The following ZBTB7C variants were observed in gnomAD, a reference collection of about 807,000 sequenced individuals.
The protein encoded by ZBTB7C is zinc finger and BTB domain-containing protein 7C.
ZBTB7C carries 8 observed loss-of-function variants against 25.7 expected under a neutral mutation model. The ratio of observed to expected loss-of-function variants is 0.31; its 90% CI spans 0.18 to 0.56. The LOEUF (loss-of-function observed/expected upper bound fraction) is 0.56. Ranked by LOEUF, ZBTB7C falls within the 20% of genes least tolerant of loss-of-function variation. The pLI, the probability that ZBTB7C is intolerant of heterozygous loss-of-function variation, is 0.91. For missense variants in ZBTB7C, 824 were observed against 855.2 expected (o/e 0.96, Z 0.46); for synonymous variants, 394 against 369.0 (o/e 1.07, Z -0.78).
rs147740537 is a variant in ZBTB7C, at chr18:48,199,666, TCTC to T, written c.-78-13674_-78-13672del. 5.4e-5 allele frequency among the ~76,000 whole-genome samples: 8 copies of T among 147,914 alleles called. No individual in the cohort carries two copies. The East Asian group carries it at 6.2e-4, about 11-fold the overall frequency. On this transcript the variant is annotated intron_variant, in intron 2 of 4. Transcript: ENST00000590800. The stretch of plus-strand genomic sequence containing the variant: ...TTCTCCCCCTCCCGCTCCTCCTCAT[TCTC>T]CTCCTCCTCCTCCTCCCCTCTCTTT...
At chr18:48,041,860 AAATATAAATTC>A (rs2036258899) in intron 3 of ZBTB7C, among the ~76,000 whole-genome samples, 1 of 151,294 alleles carries the variant, frequency 6.6e-6, no homozygotes, top group Non-Finnish European at 1.5e-5. Context: ...AATGCAATAT[AAATATAAATTC>A]AAGTACATTG....
chr18:48,241,831 G>A (rs918963186), intron 2 of ZBTB7C, among the ~76,000 whole-genome samples: 6 of 151,856 alleles, frequency 4.0e-5, no homozygotes, highest in Non-Finnish European at 8.8e-5. Context: ...CCCAAACCCA[G>A]CAGAAGAAAA....
chr18:48,383,297 ACT>A lies in ZBTB7C; in HGVS notation c.-304+25927_-304+25928del, dbSNP rs561698171. On this transcript the variant is annotated intron_variant, in intron 1 of 4. Transcript: ENST00000590800. Reference sequence around the variant, plus strand: ...ATTTATTTAAGGCAGGGTCTCACTCACTCTGTCACCCAGGATGGAGTGCAGTG... The same window carrying A: ...ATTTATTTAAGGCAGGGTCTCACTCACTGTCACCCAGGATGGAGTGCAGTG... 3.4e-4 allele frequency among the ~76,000 whole-genome samples: 52 copies of A among 152,056 alleles called. 1 individual carries two copies. The South Asian group carries it at 5.2e-3, about 15-fold the overall frequency.
At chr18:48,091,567 A>G (rs1385214270) in intron 3 of ZBTB7C, among the ~76,000 whole-genome samples, 1 of 152,154 alleles carries the variant, frequency 6.6e-6, no homozygotes, top group Non-Finnish European at 1.5e-5. Flanking sequence ...GACTGTAAGC[A>G]TTTCCAGGGT....
rs978766257 is a variant in ZBTB7C, at chr18:48,304,262, A to G, written c.-79+33912T>C. On this transcript the variant is annotated intron_variant, in intron 2 of 4. Coordinates refer to ENST00000590800, the MANE Select transcript of ZBTB7C (RefSeq NM_001318841.2). ...CCAATCACAAAACAGGGATAGCCTC[A>G]AGTGCTTTTTCCAGTTGTATTACTT... Among the ~76,000 whole-genome samples, 5 of 152,206 alleles carry G rather than the reference A, an allele frequency of 3.3e-5. No homozygotes were observed. The South Asian group carries it at 1.0e-3, about 32-fold the overall frequency.
In ZBTB7C at chr18:48,040,640, CTCCTCT is replaced by C. The variant is rs1466542526; in HGVS notation, c.462_467del (p.Glu161_Glu162del). The stretch of plus-strand genomic sequence containing the variant: ...CGTCATCCTCCTCCTCTTCCTCCTC[CTCCTCT>C]TCGTCCTCCTCATCATCATCATCTT... On this transcript the variant is annotated inframe_deletion, in exon 4 of 5. Transcript: ENST00000590800. 5.6e-6 allele frequency: 9 copies of C among 1,613,350 alleles called. No homozygotes were observed. Among genetic ancestry groups the C allele is most frequent in the African/African-American group, 1.3e-5 (1 of 74,870 alleles).
At chr18:48,118,946 C>A (rs1598912619) in intron 3 of ZBTB7C, among the ~76,000 whole-genome samples, 1 of 152,090 alleles carries the variant, frequency 6.6e-6, no homozygotes, top group Non-Finnish European at 1.5e-5. Flanking sequence ...ATTACTGATG[C>A]TTTAATCTTC....
intron 3 of ZBTB7C, among the ~76,000 whole-genome samples, chr18:48,152,556 A>G (rs55707477): frequency 0.35 from 53,183 of 152,116 alleles, 10,949 homozygotes; most frequent in East Asian, 0.54. Context: ...ATCATTATTC[A>G]TGCCACCTAC....
At chr18:48,252,594 T>A (rs965408436) in intron 2 of ZBTB7C, 1 of 152,354 alleles carries the variant, frequency 6.6e-6, no homozygotes, top group African/African-American at 2.4e-5. Context: ...GGTCCCTGCT[T>A]TGCATTTGCA....
chr18:48,180,099 T>TTTCC (rs2041864867), intron 3 of ZBTB7C, among the ~76,000 whole-genome samples: 1 of 81,658 alleles, frequency 1.2e-5, no homozygotes, highest in Non-Finnish European at 2.5e-5. Context: ...CCTTCCTTCC[T>TTTCC]TTCCTTCCTT....
At chr18:48,266,723 A>G (rs932880437) in intron 2 of ZBTB7C, among the ~76,000 whole-genome samples, 1 of 152,200 alleles carries the variant, frequency 6.6e-6, no homozygotes, top group African/African-American at 2.4e-5. Flanking sequence ...ACTCCTGCCT[A>G]AGCACTGATA....
Position 48,207,532 on chromosome 18 carries a change from T to C in ZBTB7C, c.-78-21537A>G, listed in dbSNP as rs139752712. On this transcript the variant is annotated intron_variant, in intron 2 of 4. Transcript: ENST00000590800. ...CAACATGAATAAATCTCACAGATTA[T>C]CTATCAATCATCTATCATCTATCTA... is the stretch of plus-strand genomic sequence containing the variant. Among the ~76,000 whole-genome samples the C allele has an allele frequency of 5.3e-3, 809 of 152,308 alleles. 5 individuals are homozygous for C. The highest frequency in any genetic ancestry group is 9.5e-3 in the South Asian group (46 of 4,830).
At chr18:48,053,003 C>T (rs530100272) in intron 3 of ZBTB7C, among the ~76,000 whole-genome samples, 9 of 152,286 alleles carry the variant, frequency 5.9e-5, no homozygotes, top group East Asian at 1.9e-4. Flanking sequence ...CTCTGGGACC[C>T]TGCCAAGTTA....
At chr18:48,365,075 GGATTTACAAGGAGCTA>G (rs2047192141) in intron 1 of ZBTB7C, among the ~76,000 whole-genome samples, 2 of 152,290 alleles carry the variant, frequency 1.3e-5, no homozygotes, top group Admixed American at 1.3e-4. Flanking sequence ...CATGCTACAT[GGATTTACAAGGAGCTA>G]CAGTTATTCA....
chr18:48,058,062 A>C (rs771130106), intron 3 of ZBTB7C, among the ~76,000 whole-genome samples: 4 of 152,238 alleles, frequency 2.6e-5, no homozygotes, highest in Non-Finnish European at 5.9e-5. Context: ...CCAAGGACAC[A>C]GGTGCTAGGA....
At position 48,356,953 on chromosome 18, in the gene ZBTB7C, G is replaced by A. The variant is rs530118544; in HGVS notation, c.-303-18555C>T. ...ACTAAACTTCTAAACACTGCCCTAT[G>A]TGGCCCTGCTTTCTCCCCCACTGAA... On this transcript the variant is annotated intron_variant, in intron 1 of 4. Coordinates refer to ENST00000590800, the MANE Select transcript of ZBTB7C (RefSeq NM_001318841.2). 2.3e-4 allele frequency among the ~76,000 whole-genome samples: 35 copies of A among 152,244 alleles called. No homozygotes were observed. The South Asian group carries it at 7.3e-3, about 32-fold the overall frequency.
intron 3 of ZBTB7C, among the ~76,000 whole-genome samples, chr18:48,116,388 T>C (rs188115276): frequency 6.6e-6 from 1 of 152,334 alleles, no homozygotes; most frequent in East Asian, 1.9e-4. Flanking sequence ...AATGTATCAA[T>C]ATTAATTAGC....
Position 48,190,134 on chromosome 18 carries a change from G to A in ZBTB7C, c.-78-4139C>T, listed in dbSNP as rs1179388025. Among the ~76,000 whole-genome samples, 8 of 152,170 alleles carry A rather than the reference G, an allele frequency of 5.3e-5. No homozygotes were observed. In the East Asian group the frequency reaches 1.5e-3, roughly 29 times the overall value. ...TCTGCCTTGGGTGCGGGCAGATGCT[G>A]GGAAGGTGGGAGTGCAGTGTCTGTC... On this transcript the variant is annotated intron_variant, in intron 2 of 4. Coordinates refer to ENST00000590800, the MANE Select transcript of ZBTB7C (RefSeq NM_001318841.2).
chr18:48,317,059 G>A (rs2045964934), intron 2 of ZBTB7C, among the ~76,000 whole-genome samples: 1 of 152,104 alleles, frequency 6.6e-6, no homozygotes, highest in South Asian at 2.1e-4. Flanking sequence ...GATCACCTGA[G>A]GTCAGGAGTT....
Sources: gnomAD v4.1 joint callset for allele counts (sites outside exome capture counted in the v4.1 genomes callset) on GRCh38, gnomAD v4.1.1 for gene constraint, MANE v1.5 for transcripts, NCBI Gene and HGNC (gene_info 2026-07-23, HGNC 2026-07-21) for gene names.